The following SLC13A1 variants were observed in gnomAD, a reference collection of about 807,000 sequenced individuals.
SLC13A1 encodes solute carrier family 13 member 1.
A neutral mutation model predicts 70.0 loss-of-function variants in SLC13A1; 65 were observed. The observed-to-expected ratio is 0.93, with a 90% confidence interval of 0.76 to 1.14. The LOEUF (loss-of-function observed/expected upper bound fraction) is 1.14. Among genes scored for constraint, SLC13A1 ranks in the 50% most tolerant of loss-of-function variants. The pLI is 0.00. For synonymous variants in SLC13A1, 275 were observed against 250.5 expected, an observed-to-expected ratio of 1.10 and a Z score of -0.92; for missense variants, 726 against 717.8, an observed-to-expected ratio of 1.01 and a Z score of -0.13.
chr7:123,138,060 C>G (rs529172795), intron 7 of SLC13A1, among the ~76,000 whole-genome samples: 1 of 152,146 alleles, frequency 6.6e-6, no homozygotes, highest in African/African-American at 2.4e-5. Flanking sequence ...CACCTTTCAG[C>G]CCACACCCTA....
In SLC13A1 at chr7:123,169,256, G is replaced by C; in HGVS notation, c.445C>G (p.Pro149Ala). The C allele has an allele frequency of 6.2e-7, 1 of 1,613,998 alleles. No individual in the cohort carries two copies. The highest frequency in any genetic ancestry group is 8.5e-7 in the Non-Finnish European group (1 of 1,179,968). Residue 149 changes from proline to alanine, a missense_variant, in exon 4 of 15, where the codon CCC becomes GCC. Coordinates refer to ENST00000194130, the MANE Select transcript of SLC13A1 (RefSeq NM_022444.4). ...TGCTGCACTACAGCCTCCGCAATGG[G>C]CATCACCATGGCAGCCGTCGAGGTG... ...SNTSTAAMVM[P>A]IAEAVVQQII...
At chr7:123,148,830 C>T (rs952511919) in intron 6 of SLC13A1, among the ~76,000 whole-genome samples, 8 of 152,090 alleles carry the variant, frequency 5.3e-5, no homozygotes, top group African/African-American at 1.7e-4. Flanking sequence ...CTTCTCACCA[C>T]TTGCTACACT....
intron 10 of SLC13A1, among the ~76,000 whole-genome samples, chr7:123,126,370 C>T (rs910981976): frequency 6.6e-5 from 10 of 152,074 alleles, no homozygotes; most frequent in African/African-American, 2.2e-4. Context: ...CTTAGAATCA[C>T]CAGACCATTG....
intron 9 of SLC13A1, among the ~76,000 whole-genome samples, chr7:123,129,169 G>T (rs1793665098): frequency 6.6e-6 from 1 of 152,088 alleles, no homozygotes; most frequent in Admixed American, 6.6e-5. Context: ...TAGTTAGACA[G>T]GGTATGTGTT....
At chr7:123,181,180 T>TTG in intron 1 of SLC13A1, 79 bp from the exon 2 acceptor site, 1 of 1,458,314 alleles carries the variant, frequency 6.9e-7, no homozygotes, top group Non-Finnish European at 9.4e-7. Context: ...CATGTTTGCT[T>TTG]AATAGAGCCA....
At chr7:123,176,724 A>T (rs558361444) in intron 2 of SLC13A1, among the ~76,000 whole-genome samples, 68 of 152,278 alleles carry the variant, frequency 4.5e-4, no homozygotes, top group African/African-American at 1.6e-3. Flanking sequence ...TGACACACAT[A>T]ATCATTGCCT....
At chr7:123,120,927 C>T (rs1793356237) in intron 12 of SLC13A1, among the ~76,000 whole-genome samples, 1 of 152,046 alleles carries the variant, frequency 6.6e-6, no homozygotes, top group Non-Finnish European at 1.5e-5. Context: ...TTCCAAAATT[C>T]TACATAAAGT....
intron 1 of SLC13A1, chr7:123,190,626 A>G (rs1795961657): frequency 2.2e-6 from 1 of 456,706 alleles, no homozygotes. Context: ...GTTGAGCATT[A>G]GAATAAGCTG....
chr7:123,149,811 A>G (rs1422432674), intron 6 of SLC13A1, among the ~76,000 whole-genome samples: 1 of 152,146 alleles, frequency 6.6e-6, no homozygotes, highest in Non-Finnish European at 1.5e-5. Flanking sequence ...AATCTAAGTC[A>G]ATAAAGTATG....
intron 1 of SLC13A1, chr7:123,190,463 C>CT (rs1449262061): frequency 9.4e-6 from 4 of 423,304 alleles, no homozygotes; most frequent in South Asian, 6.8e-5. Flanking sequence ...CTCACCTGGG[C>CT]TGAGTACAAG....
At chr7:123,181,134 A>T (rs758152530) in intron 1 of SLC13A1, 33 bp from the exon 2 acceptor site, 1 of 1,601,670 alleles carries the variant, frequency 6.2e-7, no homozygotes, top group Non-Finnish European at 8.5e-7. Context: ...AAAAGGTGAT[A>T]TTATGAGGCT....
At chr7:123,130,600 G>T (rs961831336) in intron 8 of SLC13A1, among the ~76,000 whole-genome samples, 2 of 152,052 alleles carry the variant, frequency 1.3e-5, no homozygotes, top group African/African-American at 4.8e-5. Context: ...AGATAAACAG[G>T]TAATGCATGT....
At chr7:123,199,479 G>A (rs1239068835) in intron 1 of SLC13A1, among the ~76,000 whole-genome samples, 2 of 152,000 alleles carry the variant, frequency 1.3e-5, no homozygotes, top group Non-Finnish European at 2.9e-5. Flanking sequence ...CCCAGCAATT[G>A]CTTTGCTGCC....
rs74656733 is a variant in SLC13A1, at chr7:123,136,885, A to C, written c.813-2356T>G. Among the ~76,000 whole-genome samples, 112 of 152,320 alleles carry C rather than the reference A, an allele frequency of 7.4e-4. 1 individual carries two copies. The East Asian group carries it at 0.02, about 28-fold the overall frequency. On this transcript the variant is annotated intron_variant, in intron 7 of 14. Coordinates refer to ENST00000194130, the MANE Select transcript of SLC13A1 (RefSeq NM_022444.4). ...GTGAATAACTGGGAAACAGCATTCC[A>C]GACGGAGGAAATAGCAATTACAAAG...
Position 123,125,555 on chromosome 7 carries a change from A to C in SLC13A1, c.1240+14T>G. On this transcript the variant is annotated intron_variant, in intron 11 of 14. Transcript: ENST00000194130. ...TTCTGTTAAATTTATGCAGAATTAT[A>C]AATGATACTCAACCAATTTCTCCTG... 2.6e-6 allele frequency: 4 copies of C among 1,558,878 alleles called. No individual in the cohort carries two copies. The highest frequency in any genetic ancestry group is 3.5e-6 in the Non-Finnish European group (4 of 1,139,700).
intron 12 of SLC13A1, among the ~76,000 whole-genome samples, chr7:123,122,905 T>C (rs1433967241): frequency 6.6e-6 from 1 of 152,152 alleles, no homozygotes; most frequent in Non-Finnish European, 1.5e-5. Flanking sequence ...TCTTTTGACA[T>C]TCTGGAGCAC....
intron 6 of SLC13A1, among the ~76,000 whole-genome samples, chr7:123,156,469 T>C (rs955719328): frequency 6.6e-6 from 1 of 152,074 alleles, no homozygotes; most frequent in Non-Finnish European, 1.5e-5. Flanking sequence ...TGGTAGATGA[T>C]GTAACTAAAA....
chr7:123,175,269 A>T (rs572607417), intron 2 of SLC13A1, among the ~76,000 whole-genome samples: 18 of 152,328 alleles, frequency 1.2e-4, no homozygotes, highest in African/African-American at 4.1e-4. Context: ...AGATTTTAAA[A>T]GTAAGTGGGG....
intron 14 of SLC13A1, 47 bp from the exon 15 acceptor site, chr7:123,115,702 A>G: frequency 1.9e-6 from 3 of 1,602,094 alleles, no homozygotes; most frequent in South Asian, 1.1e-5. Context: ...AAGAAAGCCT[A>G]CAGGAGATTA....
Sources: gnomAD v4.1 joint callset for allele counts (sites outside exome capture counted in the v4.1 genomes callset) on GRCh38, gnomAD v4.1.1 for gene constraint, MANE v1.5 for transcripts, NCBI Gene and HGNC (gene_info 2026-07-23, HGNC 2026-07-21) for gene names.